Variants in NFIA observed in about 807,000 individuals in gnomAD.
NFIA encodes nuclear factor I A.
A neutral mutation model predicts 62.8 loss-of-function variants in NFIA; 8 were observed. That is an observed-to-expected ratio of 0.13 (90% CI 0.07 to 0.23). The LOEUF is 0.23. Ranked by LOEUF, NFIA falls within the 10% of genes least tolerant of loss-of-function variation. NFIA has a pLI of 1.00. For synonymous variants in NFIA, 235 were observed against 238.1 expected (o/e 0.99, Z 0.12); for missense variants, 410 against 642.1 (o/e 0.64, Z 3.91).
chr1:61,457,438 G>T lies in NFIA; in HGVS notation c.*2118G>T, dbSNP rs1412282319. Reference sequence around the variant, plus strand: ...AAAGCTAGTTGTTCCGCAGATAGGAGTAGTCTTTATTGTCCTGTACGGTCG... The same window carrying T: ...AAAGCTAGTTGTTCCGCAGATAGGATTAGTCTTTATTGTCCTGTACGGTCG... On this transcript the variant is annotated 3_prime_UTR_variant, in exon 11 of 11. Transcript: ENST00000403491. The surrounding 1 kb of genome is among the most constrained non-coding windows in gnomAD (Gnocchi z 4.2). 6.6e-6 allele frequency: 1 copy of T among 152,166 alleles called. No homozygotes were observed. The highest frequency in any genetic ancestry group is 1.5e-5 in the Non-Finnish European group (1 of 68,022). 9.4% of individuals were successfully genotyped at this position (152,166 alleles called of 1,614,324 possible). A position where few individuals can be genotyped will look rare whatever the true frequency, so the allele number is the denominator to read the frequency against.
chr1:61,168,808 A>C (rs1649754444), intron 2 of NFIA, among the ~76,000 whole-genome samples: 1 of 152,200 alleles, frequency 6.6e-6, no homozygotes, highest in Non-Finnish European at 1.5e-5. Flanking sequence ...CAGTTTTTTG[A>C]AAACTTAATT....
intron 2 of NFIA, among the ~76,000 whole-genome samples, chr1:61,125,439 G>A (rs1646951780): frequency 6.6e-6 from 1 of 152,156 alleles, no homozygotes; most frequent in Non-Finnish European, 1.5e-5. Flanking sequence ...ATTAAAATAT[G>A]CTGATAAAAG....
chr1:61,300,500 A>T (rs916027552), intron 3 of NFIA, among the ~76,000 whole-genome samples: 1 of 152,108 alleles, frequency 6.6e-6, no homozygotes, highest in Non-Finnish European at 1.5e-5. Flanking sequence ...CTATTTCTAT[A>T]TATTCTTCGA....
intron 2 of NFIA, among the ~76,000 whole-genome samples, chr1:61,270,303 A>G (rs186938362): frequency 1.6e-4 from 25 of 152,350 alleles, no homozygotes; most frequent in Admixed American, 1.5e-3. Context: ...TTACAGATGA[A>G]GAAACTGAGA....
intron 7 of NFIA, among the ~76,000 whole-genome samples, chr1:61,399,405 G>C (rs1393135006): frequency 1.3e-5 from 2 of 152,220 alleles, no homozygotes; most frequent in Non-Finnish European, 2.9e-5. Flanking sequence ...ATAGAAGAGA[G>C]ACTGGGATTT....
At chr1:61,125,772 A>G (rs1185567500) in intron 2 of NFIA, among the ~76,000 whole-genome samples, 1 of 152,194 alleles carries the variant, frequency 6.6e-6, no homozygotes, top group African/African-American at 2.4e-5. Context: ...ATTGTTTTCT[A>G]CTTTGTACAC....
chr1:61,338,125 T>G (rs1478167318), intron 4 of NFIA, among the ~76,000 whole-genome samples: 2 of 152,206 alleles, frequency 1.3e-5, no homozygotes, highest in Admixed American at 1.3e-4. Flanking sequence ...TAAGGATGAC[T>G]TCATGGCCCT....
chr1:61,397,522 GC>G (rs1303902935), intron 7 of NFIA, among the ~76,000 whole-genome samples: 1 of 152,100 alleles, frequency 6.6e-6, no homozygotes, highest in African/African-American at 2.4e-5. Flanking sequence ...TGTATTCATT[GC>G]CTATCCCATT....
chr1:61,390,603 C>A (rs895270585), intron 7 of NFIA, among the ~76,000 whole-genome samples: 1 of 152,006 alleles, frequency 6.6e-6, no homozygotes, highest in Non-Finnish European at 1.5e-5. Flanking sequence ...CCAGTTTGGC[C>A]AAGAAAAATA....
rs895380228 is a variant in NFIA, at chr1:61,274,285, A to G, written c.560-3235A>G. Among the ~76,000 whole-genome samples, 8 of 152,316 alleles carry G rather than the reference A, an allele frequency of 5.3e-5. No individual in the cohort carries two copies. The East Asian group carries it at 1.3e-3, about 26-fold the overall frequency. ...TTTAGGTTTAAATTTCTGCTCATAA[A>G]TTTTTTAAAAATCCAAAGAAACATT... On this transcript the variant is annotated intron_variant, in intron 2 of 10. Transcript: ENST00000403491.
chr1:61,114,023 C>CT (rs1335568042), intron 2 of NFIA, among the ~76,000 whole-genome samples: 14 of 152,068 alleles, frequency 9.2e-5, no homozygotes, highest in African/African-American at 3.4e-4. Flanking sequence ...AGTAGAGTGA[C>CT]AGACAGTGGA....
Position 61,232,371 on chromosome 1 carries a change from G to A in NFIA, c.560-45149G>A, listed in dbSNP as rs572155472. Among the ~76,000 whole-genome samples, 30 of 152,182 alleles carry A rather than the reference G, an allele frequency of 2.0e-4. No homozygotes were observed. In the East Asian group the frequency reaches 4.6e-3, roughly 23 times the overall value. On this transcript the variant is annotated intron_variant, in intron 2 of 10. Transcript: ENST00000403491. ...AAATTAAGCCATATATATTATATATGTACATATTTATGTAAAGCATAGTAT... is the reference window on the plus strand; with the variant it reads ...AAATTAAGCCATATATATTATATATATACATATTTATGTAAAGCATAGTAT...
upstream of NFIA, chr1:61,077,606 C>T: frequency 3.6e-6 from 5 of 1,407,578 alleles, no homozygotes; most frequent in Non-Finnish European, 4.7e-6. Flanking sequence ...AAGTTTCTCA[C>T]GTACTCTTTT....
chr1:61,455,196 CCCGCATCCCTA>C, intron 10 of NFIA, 96 bp from the exon 11 acceptor site: 1 of 1,119,610 alleles, frequency 8.9e-7, no homozygotes, highest in Non-Finnish European at 1.3e-6. Flanking sequence ...GCGAATCCCT[CCCGCATCCCTA>C]ACGTAGATCC....
chr1:61,097,080 T>C (rs1646429628), intron 2 of NFIA, among the ~76,000 whole-genome samples: 1 of 152,032 alleles, frequency 6.6e-6, no homozygotes, highest in Non-Finnish European at 1.5e-5. Context: ...AATCTTAAAG[T>C]TAGGGTTGTG....
At chr1:61,306,806 C>G (rs1185143039) in intron 3 of NFIA, among the ~76,000 whole-genome samples, 1 of 152,166 alleles carries the variant, frequency 6.6e-6, no homozygotes. Context: ...TCTATAGGAA[C>G]AGCAAATCCA....
intron 2 of NFIA, among the ~76,000 whole-genome samples, chr1:61,126,647 T>A (rs1166095875): frequency 6.6e-6 from 1 of 152,088 alleles, no homozygotes; most frequent in Non-Finnish European, 1.5e-5. Flanking sequence ...AAGCCATTAA[T>A]AAAAATAATG....
intron 9 of NFIA, among the ~76,000 whole-genome samples, chr1:61,423,547 T>C (rs910206349): frequency 2.6e-5 from 4 of 152,198 alleles, no homozygotes; most frequent in African/African-American, 9.7e-5. Context: ...AAGAAAGATA[T>C]GAATATGATA....
intron 2 of NFIA, among the ~76,000 whole-genome samples, chr1:61,116,936 T>G (rs1449348136): frequency 2.6e-5 from 4 of 152,226 alleles, no homozygotes; most frequent in African/African-American, 9.7e-5. Context: ...GTGTATTTTG[T>G]TAGAACATTC....
Sources: gnomAD v4.1 joint callset for allele counts (sites outside exome capture counted in the v4.1 genomes callset) on GRCh38, gnomAD v4.1.1 for gene constraint, Gnocchi (gnomAD v3.1) non-coding constraint, MANE v1.5 for transcripts, NCBI Gene and HGNC (gene_info 2026-07-23, HGNC 2026-07-21) for gene names.